The following MFSD6 variants were observed in gnomAD, a reference collection of about 807,000 sequenced individuals.
MFSD6 encodes the protein major facilitator superfamily domain-containing protein 6.
A neutral mutation model predicts 56.3 loss-of-function variants in MFSD6; 26 were observed. The ratio of observed to expected loss-of-function variants is 0.46; its 90% CI spans 0.34 to 0.64. MFSD6 has a LOEUF of 0.64. Among genes scored for constraint, MFSD6 ranks in the 30% least tolerant of loss-of-function variants. The pLI, the probability that MFSD6 is intolerant of heterozygous loss-of-function variation, is 0.01. For missense variants in MFSD6, 750 were observed against 986.2 expected, an observed-to-expected ratio of 0.76 and a Z score of 3.21; for synonymous variants, 331 against 366.9, an observed-to-expected ratio of 0.90 and a Z score of 1.12.
At chr2:190,470,161 T>G (rs945076647) in intron 4 of MFSD6, among the ~76,000 whole-genome samples, 12 of 152,256 alleles carry the variant, frequency 7.9e-5, no homozygotes, top group Admixed American at 7.8e-4. Context: ...AGGGTGGTTT[T>G]AAGATATAAA....
rs1686119042 is a variant in MFSD6, at chr2:190,434,711, T to C, written c.-53-1266T>C. Reference sequence around the variant, plus strand: ...CCTCCCAAAGTGCTGGGATTACAGGTGTGAGCCACCGCGCCCGGCCAAAAC... The same window carrying C: ...CCTCCCAAAGTGCTGGGATTACAGGCGTGAGCCACCGCGCCCGGCCAAAAC... On this transcript the variant is annotated intron_variant, in intron 2 of 7. Coordinates refer to ENST00000392328, the MANE Select transcript of MFSD6 (RefSeq NM_017694.4). This position sits in a 1 kb window ranked among gnomAD's most constrained non-coding sequence, Gnocchi z 4.3. Among the ~76,000 whole-genome samples the C allele has an allele frequency of 6.6e-6, 1 of 152,132 alleles. No homozygotes were observed. The highest frequency in any genetic ancestry group is 6.6e-5 in the Admixed American group (1 of 15,266).
intron 4 of MFSD6, among the ~76,000 whole-genome samples, chr2:190,472,220 A>G (rs1232264591): frequency 1.3e-5 from 2 of 152,266 alleles, no homozygotes; most frequent in Non-Finnish European, 1.5e-5. Context: ...CTCACTAGCA[A>G]TGGAACAAAG....
rs1365687952 is a variant in MFSD6 at position 190,451,394 on chromosome 2, C to T, written c.1532+13833C>T. On this transcript the variant is annotated intron_variant, in intron 3 of 7. Coordinates refer to ENST00000392328, the MANE Select transcript of MFSD6 (RefSeq NM_017694.4). The surrounding 1 kb of genome is among the most constrained non-coding windows in gnomAD (Gnocchi z 5.0). ...AGGTAGTATTGTTACTAATTCATTC[C>T]TCCAACAAGTATTTATTAAACACAC... Among the ~76,000 whole-genome samples, 3 of 152,188 alleles carry T rather than the reference C, an allele frequency of 2.0e-5. No homozygotes were observed. Among genetic ancestry groups the T allele is most frequent in the African/African-American group, 7.2e-5 (3 of 41,432 alleles).
upstream of MFSD6, among the ~76,000 whole-genome samples, chr2:190,407,816 C>A (rs1377212917): frequency 6.6e-6 from 1 of 152,136 alleles, no homozygotes; most frequent in Admixed American, 6.5e-5. This position sits in a 1 kb window ranked among gnomAD's most constrained non-coding sequence, Gnocchi z 5.4. Flanking sequence ...CCCGGGTCAA[C>A]CTGGGACAGA....
chr2:190,470,767 G>A (rs948180167), intron 4 of MFSD6, among the ~76,000 whole-genome samples: 1 of 152,078 alleles, frequency 6.6e-6, no homozygotes, highest in African/African-American at 2.4e-5. Context: ...TAAAATGAAA[G>A]ATTCATAATT....
At position 190,458,717 on chromosome 2, in the gene MFSD6, A is replaced by G. The variant is rs1687169854; in HGVS notation, c.1533-11041A>G. Among the ~76,000 whole-genome samples the G allele has an allele frequency of 6.6e-6, 1 of 152,152 alleles. No homozygotes were observed. Among genetic ancestry groups the G allele is most frequent in the African/African-American group, 2.4e-5 (1 of 41,426 alleles). On this transcript the variant is annotated intron_variant, in intron 3 of 7. Coordinates refer to ENST00000392328, the MANE Select transcript of MFSD6 (RefSeq NM_017694.4). The surrounding 1 kb of genome is among the most constrained non-coding windows in gnomAD (Gnocchi z 5.3). Reference sequence around the variant, plus strand: ...AGACTCTTTCAGTGAAAGTGGCAAAAATCCTTACCCAGAGAAGCTTAAGTA... The same window carrying G: ...AGACTCTTTCAGTGAAAGTGGCAAAGATCCTTACCCAGAGAAGCTTAAGTA...
Position 190,418,710 on chromosome 2 carries a change from T to C in MFSD6, c.-54+3297T>C, listed in dbSNP as rs1321626232. Among the ~76,000 whole-genome samples the C allele has an allele frequency of 6.6e-6, 1 of 152,174 alleles. No individual in the cohort carries two copies. The highest frequency in any genetic ancestry group is 1.9e-4 in the East Asian group (1 of 5,186). ...AGGTCAAGGCTGCAGTGAGCTGTGA[T>C]TGTGCCACTGCGCTCCAGCCTGGGT... On this transcript the variant is annotated intron_variant, in intron 2 of 7. Transcript: ENST00000392328. The surrounding 1 kb of genome is among the most constrained non-coding windows in gnomAD (Gnocchi z 4.1).
chr2:190,475,271 A>G lies in MFSD6; in HGVS notation c.1630+5416A>G, dbSNP rs970162506. Among the ~76,000 whole-genome samples the G allele has an allele frequency of 4.6e-5, 7 of 152,362 alleles. 1 individual carries two copies. The South Asian group carries it at 1.4e-3, about 32-fold the overall frequency. ...ATTCAATTAGGAAAAGAGGAAGTCA[A>G]ATTATCCCTGTTTGCAGATGACATG... On this transcript the variant is annotated intron_variant, in intron 4 of 7. Coordinates refer to ENST00000392328, the MANE Select transcript of MFSD6 (RefSeq NM_017694.4).
At chr2:190,470,338 T>C (rs1241666230) in intron 4 of MFSD6, among the ~76,000 whole-genome samples, 2 of 152,222 alleles carry the variant, frequency 1.3e-5, no homozygotes, top group East Asian at 1.9e-4. Flanking sequence ...CCATGAACTT[T>C]AAAAAATCTC....
Position 190,467,932 on chromosome 2 carries a change from G to A in MFSD6, c.1533-1826G>A, listed in dbSNP as rs543706525. On this transcript the variant is annotated intron_variant, in intron 3 of 7. Transcript: ENST00000392328. The surrounding 1 kb of genome is among the most constrained non-coding windows in gnomAD (Gnocchi z 5.5). ...AGCTGCAACAGAGACCATGTAGCTC[G>A]TGAAGCCTAAACTGTTTAATGTGTG... Among the ~76,000 whole-genome samples the A allele has an allele frequency of 2.0e-5, 3 of 152,324 alleles. No individual in the cohort carries two copies. The highest frequency in any genetic ancestry group is 2.1e-4 in the South Asian group (1 of 4,828).
Position 190,434,184 on chromosome 2 carries a change from A to AAAAC in MFSD6, c.-53-1790_-53-1789insCAAA, listed in dbSNP as rs970560569. On this transcript the variant is annotated intron_variant, in intron 2 of 7. Coordinates refer to ENST00000392328, the MANE Select transcript of MFSD6 (RefSeq NM_017694.4). This position sits in a 1 kb window ranked among gnomAD's most constrained non-coding sequence, Gnocchi z 4.3. ...TGACAGAGTAAGACCCTGTCTCTCA[A>AAAAC]AAAAAAAAAAAGAAAAAAAAGAAAA... Among the ~76,000 whole-genome samples, 3 of 149,380 alleles carry AAAAC rather than the reference A, an allele frequency of 2.0e-5. No individual in the cohort carries two copies. The highest frequency in any genetic ancestry group is 7.3e-5 in the African/African-American group (3 of 40,854).
Position 190,431,030 on chromosome 2 carries a change from TCGCGGCCGGG to T in MFSD6, c.-53-4945_-53-4936del. Reference sequence around the variant, plus strand: ...GACGCTCCTCACCTCCCAGACGGGGTCGCGGCCGGGCAGAGGCGCTCCTCACCTCCCAGAC... The same window carrying T: ...GACGCTCCTCACCTCCCAGACGGGGTCAGAGGCGCTCCTCACCTCCCAGAC... On this transcript the variant is annotated intron_variant, in intron 2 of 7. Coordinates refer to ENST00000392328, the MANE Select transcript of MFSD6 (RefSeq NM_017694.4). This position sits in a 1 kb window ranked among gnomAD's most constrained non-coding sequence, Gnocchi z 4.4. 1.0e-5 allele frequency among the ~76,000 whole-genome samples: 1 copy of T among 99,402 alleles called. No homozygotes were observed. Among genetic ancestry groups the T allele is most frequent in the South Asian group, 3.3e-4 (1 of 3,064 alleles). 65.2% of individuals were successfully genotyped at this position (99,402 alleles called of 152,430 possible). A position where few individuals can be genotyped will look rare whatever the true frequency, so the allele number is the denominator to read the frequency against.
chr2:190,433,795 A>G lies in MFSD6; in HGVS notation c.-53-2182A>G, dbSNP rs916454200. Among the ~76,000 whole-genome samples the G allele has an allele frequency of 6.6e-6, 1 of 152,228 alleles. No homozygotes were observed. The highest frequency in any genetic ancestry group is 6.5e-5 in the Admixed American group (1 of 15,284). Reference sequence around the variant, plus strand: ...GAGATTAAAAAATGCTTACAAGTATAATTTTAGAAGGTTTTTCAGAATGTT... The same window carrying G: ...GAGATTAAAAAATGCTTACAAGTATGATTTTAGAAGGTTTTTCAGAATGTT... On this transcript the variant is annotated intron_variant, in intron 2 of 7. Coordinates refer to ENST00000392328, the MANE Select transcript of MFSD6 (RefSeq NM_017694.4). This position sits in a 1 kb window ranked among gnomAD's most constrained non-coding sequence, Gnocchi z 4.5.
rs973000239 is a variant in MFSD6 at position 190,492,652 on chromosome 2, A to G, written c.1891+2786A>G. Among the ~76,000 whole-genome samples the G allele has an allele frequency of 8.9e-4, 136 of 152,326 alleles. No individual in the cohort carries two copies. Among genetic ancestry groups the G allele is most frequent in the African/African-American group, 3.1e-3 (127 of 41,570 alleles). On this transcript the variant is annotated intron_variant, in intron 6 of 7. Transcript: ENST00000392328. This position sits in a 1 kb window ranked among gnomAD's most constrained non-coding sequence, Gnocchi z 5.2. ...CTGGGATACAGCAAAGGCAATGCTA[A>G]CAAAACAAAACAATTACCAGCCAAG... is the stretch of plus-strand genomic sequence containing the variant.
chr2:190,423,987 T>C lies in MFSD6; in HGVS notation c.-54+8574T>C, dbSNP rs1033967443. On this transcript the variant is annotated intron_variant, in intron 2 of 7. Transcript: ENST00000392328. The surrounding 1 kb of genome is among the most constrained non-coding windows in gnomAD (Gnocchi z 4.3). ...TCACGTTTTTTGTCCATTTTCTAAT[T>C]GGATTGTTTGTTGAGTTTGGAGAAT... 6.6e-6 allele frequency among the ~76,000 whole-genome samples: 1 copy of C among 152,228 alleles called. No individual in the cohort carries two copies. The highest frequency in any genetic ancestry group is 2.4e-5 in the African/African-American group (1 of 41,452).
Position 190,469,634 on chromosome 2 carries a change from T to G in MFSD6, c.1533-124T>G. 1 of 451,464 alleles carries G rather than the reference T, an allele frequency of 2.2e-6. No homozygotes were observed. The allele number at this position is 451,464 out of a possible 1,614,324, so 28.0% of individuals were successfully genotyped here. ...TTGGAGTCTGCTGGATGATGGGTGG[T>G]TTGGGGAAGGAAAAGGTAGGTAATA... On this transcript the variant is annotated intron_variant, in intron 3 of 7. Coordinates refer to ENST00000392328, the MANE Select transcript of MFSD6 (RefSeq NM_017694.4). This position sits in a 1 kb window ranked among gnomAD's most constrained non-coding sequence, Gnocchi z 5.3.
Position 190,491,436 on chromosome 2 carries a change from T to C in MFSD6, c.1891+1570T>C, listed in dbSNP as rs1263305808. Among the ~76,000 whole-genome samples the C allele has an allele frequency of 1.3e-5, 2 of 152,174 alleles. No homozygotes were observed. The highest frequency in any genetic ancestry group is 1.9e-4 in the East Asian group (1 of 5,202). On this transcript the variant is annotated intron_variant, in intron 6 of 7. Transcript: ENST00000392328. The surrounding 1 kb of genome is among the most constrained non-coding windows in gnomAD (Gnocchi z 4.2). ...GAGGACCTGAGAGACAGGCCAAATATTGGGCTGGTATCCAGCTGAGAGACC... is the reference window on the plus strand; with the variant it reads ...GAGGACCTGAGAGACAGGCCAAATACTGGGCTGGTATCCAGCTGAGAGACC...
chr2:190,431,940 T>A lies in MFSD6; in HGVS notation c.-53-4037T>A, dbSNP rs1238520496. On this transcript the variant is annotated intron_variant, in intron 2 of 7. Coordinates refer to ENST00000392328, the MANE Select transcript of MFSD6 (RefSeq NM_017694.4). The surrounding 1 kb of genome is among the most constrained non-coding windows in gnomAD (Gnocchi z 4.4). ...GGTATTGTTTCATAGTTGCATAATC[T>A]TCTCTTATTTCTGAAGATAATCATA... Among the ~76,000 whole-genome samples the A allele has an allele frequency of 6.6e-6, 1 of 152,234 alleles. No individual in the cohort carries two copies. Among genetic ancestry groups the A allele is most frequent in the African/African-American group, 2.4e-5 (1 of 41,466 alleles).
At position 190,495,436 on chromosome 2, in the gene MFSD6, C is replaced by G. The variant is rs966766156; in HGVS notation, c.1892-2003C>G. Among the ~76,000 whole-genome samples, 2 of 152,054 alleles carry G rather than the reference C, an allele frequency of 1.3e-5. No individual in the cohort carries two copies. The highest frequency in any genetic ancestry group is 4.8e-5 in the African/African-American group (2 of 41,424). Reference sequence around the variant, plus strand: ...TGACCATACTGCTAAAAGCAATCTACAAATTCAATGCAATTCCCATCAAAT... The same window carrying G: ...TGACCATACTGCTAAAAGCAATCTAGAAATTCAATGCAATTCCCATCAAAT... On this transcript the variant is annotated intron_variant, in intron 6 of 7. Coordinates refer to ENST00000392328, the MANE Select transcript of MFSD6 (RefSeq NM_017694.4). This position sits in a 1 kb window ranked among gnomAD's most constrained non-coding sequence, Gnocchi z 4.7.
Sources: allele counts gnomAD v4.1 joint callset (sites outside exome capture counted in the v4.1 genomes callset), GRCh38; gene constraint gnomAD v4.1.1; non-coding constraint Gnocchi (gnomAD v3.1); transcripts MANE v1.5; gene names NCBI Gene and HGNC (gene_info 2026-07-23, HGNC 2026-07-21).